PTPRS: variants seen among roughly 807,000 people sequenced by gnomAD.
The protein encoded by PTPRS is receptor-type tyrosine-protein phosphatase S.
Under a neutral mutation model 215.3 loss-of-function variants are expected in PTPRS, and 63 were observed. That is an observed-to-expected ratio of 0.29 (90% CI 0.24 to 0.36). PTPRS has a LOEUF of 0.36. Ranked by LOEUF, PTPRS falls within the 10% of genes least tolerant of loss-of-function variation. The pLI is 1.00. For missense variants in PTPRS, 2,258 were observed against 2,825.8 expected, an observed-to-expected ratio of 0.80 and a Z score of 4.56; for synonymous variants, 1,404 against 1,191.4, an observed-to-expected ratio of 1.18 and a Z score of -3.68.
intron 19 of PTPRS, 99 bp downstream of exon 19, chr19:5,222,024 T>C (rs1173006214): frequency 4.2e-6 from 4 of 947,380 alleles, no homozygotes; most frequent in Non-Finnish European, 6.8e-6. Context: ...TGAGCCCTGA[T>C]CCCTCACTTC....
At chr19:5,252,638 T>C (rs1216026011) in intron 9 of PTPRS, among the ~76,000 whole-genome samples, 1 of 147,608 alleles carries the variant, frequency 6.8e-6, no homozygotes, top group African/African-American at 2.5e-5. Context: ...CCAGCACTTT[T>C]GGAGGCCGAG....
rs115096205 is a variant in PTPRS at position 5,240,477 on chromosome 19, T to C, written c.1571-145A>G. ...TATTTTCCTGGGGACCTCGCCCCCA[T>C]CCCATTGTCACCTGTCCACCTCTGT... On this transcript the variant is annotated intron_variant, in intron 11 of 37. Transcript: ENST00000262963. The C allele has an allele frequency of 0.011, 8,419 of 773,940 alleles. 526 individuals are homozygous for C. In the African/African-American group the frequency reaches 0.14, roughly 13 times the overall value. The allele number at this position is 773,940 out of a possible 1,614,324, so 47.9% of individuals were successfully genotyped here. A position where few individuals can be genotyped will look rare whatever the true frequency, so the allele number is the denominator to read the frequency against.
At chr19:5,221,714 C>T (rs1024050481) in intron 19 of PTPRS, among the ~76,000 whole-genome samples, 1 of 152,108 alleles carries the variant, frequency 6.6e-6, no homozygotes, top group Non-Finnish European at 1.5e-5. Flanking sequence ...GGCACCAACT[C>T]CAGACTAAAC....
Position 5,222,845 on chromosome 19 carries a change from G to A in PTPRS, c.2947C>T (p.Leu983=), listed in dbSNP as rs769774460. 1.0e-4 allele frequency: 163 copies of A among 1,593,602 alleles called. 3 individuals are homozygous for A. The South Asian group carries it at 1.3e-3, about 13-fold the overall frequency. ...GCGCCCGGCTCAGCCGCTGCCGGCA[G>A]CTCAGTCTCTCGGGCAGGGCCCAGG... The part of the protein sequence containing the change: ...GALGPARETE[L]PAAAEPGAEN... Residue 983 remains leucine, a synonymous_variant, in exon 18 of 38, where the codon CTG becomes TTG. Transcript: ENST00000262963.
In PTPRS at chr19:5,222,680, C is replaced by A; in HGVS notation, c.3103+9G>T. On this transcript the variant is annotated intron_variant, in intron 18 of 37. Transcript: ENST00000262963. Reference sequence around the variant, plus strand: ...TCCGGCTCTGGTGCAGGGGTCGCCGCGCGCCTACCTTGGTCCCGCAGGAAC... The same window carrying A: ...TCCGGCTCTGGTGCAGGGGTCGCCGAGCGCCTACCTTGGTCCCGCAGGAAC... 1.3e-6 allele frequency: 2 copies of A among 1,562,256 alleles called. No homozygotes were observed. Among genetic ancestry groups the A allele is most frequent in the Middle Eastern group, 2.0e-4 (1 of 5,058 alleles).
chr19:5,215,639 G>T, intron 26 of PTPRS, 44 bp from the exon 27 acceptor site: 2 of 1,381,964 alleles, frequency 1.4e-6, no homozygotes, highest in Non-Finnish European at 1.0e-6. Flanking sequence ...CACTTGGGGG[G>T]CCAGCCGGGG....
At chr19:5,305,767 T>TATATA (rs1450959995) in intron 1 of PTPRS, among the ~76,000 whole-genome samples, 128 of 89,726 alleles carry the variant, frequency 1.4e-3, no homozygotes, top group Admixed American at 5.9e-3. Flanking sequence ...ATATATATAT[T>TATATA]TTTTTTTTAA....
chr19:5,277,812 C>A, intron 2 of PTPRS: 1 of 758,524 alleles, frequency 1.3e-6, no homozygotes, highest in Non-Finnish European at 2.4e-6. Context: ...CCAGTCAGAC[C>A]AATATGTCAA....
rs542381323 is a variant in PTPRS, at chr19:5,240,293, G to A, written c.1610C>T (p.Ser537Leu). The A allele has an allele frequency of 5.6e-5, 90 of 1,603,278 alleles. No homozygotes were observed. The highest frequency in any genetic ancestry group is 2.6e-4 in the Admixed American group (15 of 58,558). The part of the protein sequence containing the change: ...QPMNLRAEAR[S>L]ETSITLSWSP... ...CCAGGACAGCGTGATGCTGGTCTCC[G>A]ACCTGGCCTCGGCCCGCAGGTTCAT... Residue 537 changes from serine to leucine, a missense_variant, in exon 12 of 38, where the codon TCG becomes TTG. By Grantham distance (145) the Ser-to-Leu change is moderately radical (BLOSUM62 -2). Transcript: ENST00000262963.
intron 4 of PTPRS, among the ~76,000 whole-genome samples, chr19:5,269,759 A>G (rs988383506): frequency 6.6e-6 from 1 of 151,970 alleles, no homozygotes; most frequent in Non-Finnish European, 1.5e-5. Context: ...TGTGTCTACT[A>G]AAAATACAAA....
intron 10 of PTPRS, 135 bp downstream of exon 10, chr19:5,245,641 C>T: frequency 1.8e-5 from 23 of 1,308,680 alleles, no homozygotes; most frequent in Admixed American, 3.0e-5. Flanking sequence ...AACAACCGTC[C>T]CCTTCCTAGC....
intron 2 of PTPRS, among the ~76,000 whole-genome samples, chr19:5,275,506 C>T (rs992527147): frequency 1.3e-5 from 2 of 151,860 alleles, no homozygotes; most frequent in African/African-American, 4.8e-5. Flanking sequence ...CCCACCTTGG[C>T]CTCCCAAGTA....
intron 4 of PTPRS, among the ~76,000 whole-genome samples, chr19:5,272,049 T>C (rs77233515): frequency 0.051 from 7,827 of 152,122 alleles, 263 homozygotes; most frequent in Middle Eastern, 0.078. Context: ...ATGAGAAAAT[T>C]GCAGCTCAGA....
rs2043000156 is a variant in PTPRS at position 5,231,376 on chromosome 19, C to T, written c.2089G>A (p.Val697Ile). ...CCTGGTCCCACCTCTGTGTGAGCGA[C>T]AGTCGTGATGCGGTACTGGGTCCAC... ...EKWTQYRITT[V>I]AHTEVGPGPE... is the part of the protein sequence containing the mutation. The change falls in exon 14 of 38, where the codon GTC becomes ATC. Residue 697 changes from valine (V) to isoleucine (I), a missense_variant. Val to Ile is a conservative substitution (Grantham distance 29). Around this residue, in one of 6 missense-constraint regions of PTPRS, gnomAD observed 371 missense variants for 446.7 expected, o/e 0.83. Coordinates refer to ENST00000262963, the MANE Select transcript of PTPRS (RefSeq NM_002850.4). 1.2e-6 allele frequency: 2 copies of T among 1,612,900 alleles called. No homozygotes were observed. The highest frequency in any genetic ancestry group is 2.7e-5 in the African/African-American group (2 of 74,894).
Position 5,286,171 on chromosome 19 carries a change from G to C in PTPRS, c.-31C>G. 6.2e-7 allele frequency: 1 copy of C among 1,609,556 alleles called. No homozygotes were observed. The highest frequency in any genetic ancestry group is 8.5e-7 in the Non-Finnish European group (1 of 1,178,062). The stretch of plus-strand genomic sequence containing the variant: ...GCAGCGACCTCCGATCTCCGCCCTG[G>C]AGGGGGATGGCCCCCCGGTCCCTCA... On this transcript the variant is annotated 5_prime_UTR_variant, in exon 2 of 38. Transcript: ENST00000262963.
At chr19:5,285,580 T>C (rs946852985) in intron 2 of PTPRS, among the ~76,000 whole-genome samples, 15 of 152,224 alleles carry the variant, frequency 9.9e-5, no homozygotes, top group African/African-American at 3.6e-4. Flanking sequence ...TTTGTCTGCC[T>C]GTGTGTCTGC....
rs548553975 is a variant in PTPRS, at chr19:5,286,571, C to T, written c.-94-337G>A. ...AAGGATCTCCCAGAAAGCTCCCTTG[C>T]CCTTTCTGCCACGTGAGGACACAGG... On this transcript the variant is annotated intron_variant, in intron 1 of 37. Coordinates refer to ENST00000262963, the MANE Select transcript of PTPRS (RefSeq NM_002850.4). Among the ~76,000 whole-genome samples, 74 of 152,294 alleles carry T rather than the reference C, an allele frequency of 4.9e-4. 2 individuals are homozygous for T. The South Asian group carries it at 0.015, about 30-fold the overall frequency.
intron 1 of PTPRS, among the ~76,000 whole-genome samples, chr19:5,337,768 C>G (rs1198811165): frequency 6.6e-6 from 1 of 152,158 alleles, no homozygotes; most frequent in African/African-American, 2.4e-5. Flanking sequence ...CGAAGCTTCC[C>G]CCTGTTCCAT....
chr19:5,334,578 G>A (rs1158794768), intron 1 of PTPRS, among the ~76,000 whole-genome samples: 1 of 152,214 alleles, frequency 6.6e-6, no homozygotes, highest in Non-Finnish European at 1.5e-5. Flanking sequence ...CAGCATCCTT[G>A]CTCTTAACCT....
Sources: gnomAD v4.1 joint callset for allele counts (sites outside exome capture counted in the v4.1 genomes callset) on GRCh38, gnomAD v4.1.1 for gene constraint, gnomAD v4.1.1 regional missense constraint, MANE v1.5 for transcripts, NCBI Gene and HGNC (gene_info 2026-07-23, HGNC 2026-07-21) for gene names.